Variants in CHN2 observed in about 807,000 individuals in gnomAD.
CHN2 encodes the protein beta-chimaerin.
Under a neutral mutation model 56.3 loss-of-function variants are expected in CHN2, and 35 were observed. That is an observed-to-expected ratio of 0.62 (90% CI 0.47 to 0.82). The LOEUF (loss-of-function observed/expected upper bound fraction) is 0.82. CHN2 is among the 40% of genes least tolerant of loss of function. The pLI, the probability that CHN2 is intolerant of heterozygous loss-of-function variation, is 0.00. For missense variants in CHN2, 491 were observed against 580.5 expected, an observed-to-expected ratio of 0.85 and a Z score of 1.58; for synonymous variants, 210 against 212.8, an observed-to-expected ratio of 0.99 and a Z score of 0.12.
intron 8 of CHN2, 98 bp from the exon 9 acceptor site, chr7:29,499,769 C>A (rs1789739052): frequency 8.7e-7 from 1 of 1,148,272 alleles, no homozygotes; most frequent in African/African-American, 1.5e-5. Context: ...ATATGTCAAA[C>A]CCTTGGGTGG....
intron 1 of CHN2, among the ~76,000 whole-genome samples, chr7:29,329,707 C>T (rs541622689): frequency 2.6e-5 from 4 of 152,262 alleles, no homozygotes; most frequent in Admixed American, 6.5e-5. Flanking sequence ...GAAATAAGTG[C>T]ATTTTTATCA....
chr7:29,509,981 C>T (rs1791111307), intron 12 of CHN2, among the ~76,000 whole-genome samples: 1 of 152,170 alleles, frequency 6.6e-6, no homozygotes, highest in Non-Finnish European at 1.5e-5. Context: ...GATGTACAGC[C>T]TTTAACTACT....
At chr7:29,472,407 A>G (rs1284783035) in intron 6 of CHN2, among the ~76,000 whole-genome samples, 3 of 152,162 alleles carry the variant, frequency 2.0e-5, no homozygotes, top group South Asian at 4.1e-4. Context: ...AAAACAAAGG[A>G]AAGTGTAGAT....
chr7:29,302,775 C>A (rs1793798101), intron 1 of CHN2, among the ~76,000 whole-genome samples: 1 of 152,176 alleles, frequency 6.6e-6, no homozygotes, highest in Non-Finnish European at 1.5e-5. Context: ...CCTCCCCTCT[C>A]CAGAACCTGG....
At position 29,194,866 on chromosome 7, in the gene CHN2, G is replaced by T; in HGVS notation, c.-76G>T. The T allele has an allele frequency of 1.5e-6, 2 of 1,308,778 alleles. No individual in the cohort carries two copies. Among genetic ancestry groups the T allele is most frequent in the South Asian group, 4.0e-5 (2 of 50,508 alleles). 81.1% of individuals were successfully genotyped at this position (1,308,778 alleles called of 1,614,324 possible). A position where few individuals can be genotyped will look rare whatever the true frequency, so the allele number is the denominator to read the frequency against. ...ATGGGCTGGGGGCCGCGGAGGCTGC[G>T]AGCGGCCGGGCGAGGGCAGCGGCGG... On this transcript the variant is annotated 5_prime_UTR_variant, in exon 1 of 13. Transcript: ENST00000222792.
intron 2 of CHN2, among the ~76,000 whole-genome samples, chr7:29,152,897 A>T (rs1332029114): frequency 3.3e-5 from 5 of 152,228 alleles, no homozygotes; most frequent in Non-Finnish European, 7.3e-5. Context: ...GGACCTCAGA[A>T]TTCTTTGCCC....
rs753177328 is a variant in CHN2 at position 29,390,529 on chromosome 7, A to C, written c.145-3150A>C. ...CTTTCTGAATCCATGTGACTGCCTA[A>C]ATTTTTTTATTAAGTTGCCTGATTT... On this transcript the variant is annotated intron_variant, in intron 3 of 12. Transcript: ENST00000222792. 1.2e-4 allele frequency among the ~76,000 whole-genome samples: 19 copies of C among 152,140 alleles called. 1 individual carries two copies. The highest frequency in any genetic ancestry group is 2.6e-4 in the Admixed American group (4 of 15,268).
In CHN2 at chr7:29,507,339, C is replaced by G; in HGVS notation, c.1103C>G (p.Thr368Ser). ...CCCATCCCTGTCATCACATATGATACCTATTCCAAATTTATAGATGCAGCA... is the reference window on the plus strand; with the variant it reads ...CCCATCCCTGTCATCACATATGATAGCTATTCCAAATTTATAGATGCAGCA... ...DLPIPVITYD[T>S]YSKFIDAAKI... is the part of the protein sequence containing the mutation. Residue 368 changes from threonine (T) to serine (S), a missense_variant, in exon 11 of 13, where the codon ACC (threonine) becomes AGC (serine). Coordinates refer to ENST00000222792, the MANE Select transcript of CHN2 (RefSeq NM_004067.4). 6.2e-7 allele frequency: 1 copy of G among 1,609,410 alleles called. No individual in the cohort carries two copies. Among genetic ancestry groups the G allele is most frequent in the Non-Finnish European group, 8.5e-7 (1 of 1,177,976 alleles).
intron 1 of CHN2, among the ~76,000 whole-genome samples, chr7:29,217,285 C>T (rs1785418057): frequency 6.6e-6 from 1 of 152,206 alleles, no homozygotes; most frequent in South Asian, 2.1e-4. Flanking sequence ...GCCATTGCTT[C>T]AACACAGTAA....
intron 6 of CHN2, among the ~76,000 whole-genome samples, chr7:29,425,886 C>T (rs1264854997): frequency 6.6e-6 from 1 of 152,090 alleles, no homozygotes; most frequent in Non-Finnish European, 1.5e-5. Context: ...TGGTATTTAA[C>T]TCTTGGGACT....
chr7:29,230,226 G>A (rs1786562709), intron 1 of CHN2, among the ~76,000 whole-genome samples: 1 of 152,194 alleles, frequency 6.6e-6, no homozygotes. Flanking sequence ...TGTTGCCTCA[G>A]AAAAGTGTTT....
chr7:29,333,719 TG>T (rs1477777962), intron 1 of CHN2, among the ~76,000 whole-genome samples: 3 of 152,190 alleles, frequency 2.0e-5, no homozygotes, highest in Non-Finnish European at 4.4e-5. Flanking sequence ...CTTCTCCAGC[TG>T]GAGACTTCTT....
intron 2 of CHN2, among the ~76,000 whole-genome samples, chr7:29,361,373 A>C (rs371245040): frequency 6.6e-6 from 1 of 152,128 alleles, no homozygotes. Flanking sequence ...ATTGATTGTC[A>C]TCTCATTATC....
chr7:29,323,968 C>A (rs1795584927), intron 1 of CHN2, among the ~76,000 whole-genome samples: 1 of 151,832 alleles, frequency 6.6e-6, no homozygotes, highest in African/African-American at 2.4e-5. Context: ...TGTGCCACTG[C>A]ACTCCAGCCT....
intron 3 of CHN2, among the ~76,000 whole-genome samples, chr7:29,385,758 G>T (rs1800867169): frequency 6.6e-6 from 1 of 152,158 alleles, no homozygotes; most frequent in South Asian, 2.1e-4. Flanking sequence ...TTTTATGTTT[G>T]TTTGCTCTAA....
Position 29,367,921 on chromosome 7 carries a change from T to TC in CHN2, c.89-11_89-10insC, listed in dbSNP as rs1224969338. ...AATTATTTCTCTCTCTCTCTCTCTC[T>TC]TTTTTGGCAGTATATCAGTTACAGC... On this transcript the variant is annotated splice_polypyrimidine_tract_variant and intron_variant, in intron 2 of 12. Transcript: ENST00000222792. The TC allele has an allele frequency of 1.2e-6, 2 of 1,605,502 alleles. No homozygotes were observed. The highest frequency in any genetic ancestry group is 1.7e-6 in the Non-Finnish European group (2 of 1,175,974).
chr7:29,204,105 G>A (rs976968529), intron 1 of CHN2, among the ~76,000 whole-genome samples: 44 of 150,458 alleles, frequency 2.9e-4, no homozygotes, highest in Non-Finnish European at 5.6e-4. Context: ...GTGTGTGTGT[G>A]TGTGTGTGTG....
chr7:29,302,849 A>G (rs1299210946), intron 1 of CHN2, among the ~76,000 whole-genome samples: 2 of 152,196 alleles, frequency 1.3e-5, no homozygotes, highest in Admixed American at 6.5e-5. Flanking sequence ...AAGTAGAATC[A>G]TATGCTTTTC....
chr7:29,426,206 C>CAAAAAAA (rs10630481), intron 6 of CHN2, among the ~76,000 whole-genome samples: 1 of 83,892 alleles, frequency 1.2e-5, no homozygotes, highest in Non-Finnish European at 2.3e-5. Context: ...GACTCTGTCT[C>CAAAAAAA]AAAAAAAAAA....
Sources: gnomAD v4.1 joint callset for allele counts (sites outside exome capture counted in the v4.1 genomes callset) on GRCh38, gnomAD v4.1.1 for gene constraint, MANE v1.5 for transcripts, NCBI Gene and HGNC (gene_info 2026-07-23, HGNC 2026-07-21) for gene names.